The following RGS7 variants were observed in gnomAD, a reference collection of about 807,000 sequenced individuals.
The protein encoded by RGS7 is regulator of G-protein signaling 7.
A neutral mutation model predicts 81.1 loss-of-function variants in RGS7; 27 were observed. The observed-to-expected ratio is 0.33, with a 90% CI of 0.25 to 0.46. RGS7 has a LOEUF of 0.46. RGS7 is among the 20% of genes least tolerant of loss of function. The pLI is 1.00. For missense variants in RGS7, 396 were observed against 607.4 expected (o/e 0.65, Z 3.66); for synonymous variants, 208 against 207.7 (o/e 1.00, Z -0.01).
rs1443736646 is a variant in RGS7 at position 240,955,530 on chromosome 1, C to A, written c.227-18824G>T. On this transcript the variant is annotated intron_variant, in intron 4 of 18. Transcript: ENST00000440928. ...TCATGCCACTGCACTCCAGCCTGGG[C>A]GGCAGAGCAAGACTCTGTCTCAAAA... 7.7e-5 allele frequency among the ~76,000 whole-genome samples: 10 copies of A among 129,526 alleles called. No individual in the cohort carries two copies. The South Asian group carries it at 2.5e-3, about 33-fold the overall frequency. 85.0% of individuals were successfully genotyped at this position (129,526 alleles called of 152,430 possible). A position where few individuals can be genotyped will look rare whatever the true frequency, so the allele number is the denominator to read the frequency against.
chr1:241,277,699 A>G (rs1246134191), intron 2 of RGS7, among the ~76,000 whole-genome samples: 1 of 152,156 alleles, frequency 6.6e-6, no homozygotes, highest in African/African-American at 2.4e-5. Flanking sequence ...TTTAGCTGTG[A>G]CTTTTCACTC....
At chr1:241,356,705 G>A (rs868006124) in intron 1 of RGS7, among the ~76,000 whole-genome samples, 194 bp downstream of exon 1, 27 of 151,104 alleles carry the variant, frequency 1.8e-4, no homozygotes, top group African/African-American at 6.5e-4. Context: ...CGCCGGAGCC[G>A]GGCAGCAGTT....
chr1:241,063,026 C>A (rs1196366607), intron 3 of RGS7, among the ~76,000 whole-genome samples: 2 of 152,124 alleles, frequency 1.3e-5, no homozygotes, highest in Non-Finnish European at 2.9e-5. Context: ...GGATATAAGT[C>A]TTGTGTAGTC....
At chr1:241,198,427 T>C (rs1309402670) in intron 2 of RGS7, among the ~76,000 whole-genome samples, 2 of 151,944 alleles carry the variant, frequency 1.3e-5, no homozygotes, top group Non-Finnish European at 2.9e-5. Flanking sequence ...AAGGCTAATA[T>C]AGTTGATGAT....
chr1:241,199,601 A>C (rs540677710), intron 2 of RGS7, among the ~76,000 whole-genome samples: 6 of 151,754 alleles, frequency 4.0e-5, no homozygotes, highest in African/African-American at 1.5e-4. Context: ...TAAGGCAAGA[A>C]AAAGCCAAAA....
chr1:241,329,979 C>G (rs548025366), intron 2 of RGS7, among the ~76,000 whole-genome samples: 159 of 151,780 alleles, frequency 1.0e-3, no homozygotes, highest in African/African-American at 3.8e-3. Context: ...CTCGCTCTAT[C>G]GCCCAGGCTG....
intron 10 of RGS7, chr1:240,822,891 T>C (rs1479972873): frequency 2.8e-6 from 1 of 360,656 alleles, no homozygotes; most frequent in African/African-American, 2.1e-5. Context: ...TTTTAAAATA[T>C]AACCAAGATG....
intron 2 of RGS7, among the ~76,000 whole-genome samples, chr1:241,212,985 G>A (rs576998805): frequency 3.9e-4 from 59 of 152,236 alleles, no homozygotes; most frequent in Non-Finnish European, 6.8e-4. Flanking sequence ...GTCCTTGTGC[G>A]TGTGTTTCAT....
At chr1:241,037,696 G>C (rs146362255) in intron 3 of RGS7, among the ~76,000 whole-genome samples, 1,548 of 147,182 alleles carry the variant, frequency 0.011, 28 homozygotes, top group African/African-American at 0.038. Context: ...ACTTCAGCCT[G>C]GGCAATAGAG....
chr1:241,293,121 G>A (rs141993158), intron 2 of RGS7, among the ~76,000 whole-genome samples: 63 of 152,240 alleles, frequency 4.1e-4, no homozygotes, highest in African/African-American at 1.5e-3. Flanking sequence ...ATATGACAAT[G>A]GTTTCATGAG....
chr1:241,086,814 C>T (rs542042178), intron 3 of RGS7, among the ~76,000 whole-genome samples: 4 of 152,224 alleles, frequency 2.6e-5, no homozygotes, highest in East Asian at 3.9e-4. Context: ...AAAGGTCACG[C>T]GACAATATTT....
At chr1:240,985,786 AAG>A (rs1685567373) in intron 3 of RGS7, among the ~76,000 whole-genome samples, 1 of 152,034 alleles carries the variant, frequency 6.6e-6, no homozygotes, top group Admixed American at 6.6e-5. Flanking sequence ...TAGAGAGAGA[AAG>A]AGGAAAAAAA....
At chr1:241,288,111 G>C (rs769143094) in intron 2 of RGS7, among the ~76,000 whole-genome samples, 20 of 152,172 alleles carry the variant, frequency 1.3e-4, no homozygotes, top group African/African-American at 4.8e-4. Flanking sequence ...AGAACCTTAC[G>C]ACAAATAGTG....
At chr1:241,198,736 T>C (rs919341554) in intron 2 of RGS7, among the ~76,000 whole-genome samples, 10 of 152,318 alleles carry the variant, frequency 6.6e-5, no homozygotes, top group African/African-American at 2.4e-4. Context: ...TTGTTACTGG[T>C]AAATTTTACC....
intron 6 of RGS7, among the ~76,000 whole-genome samples, chr1:240,876,910 G>A (rs999798696): frequency 6.6e-5 from 10 of 152,108 alleles, no homozygotes; most frequent in Admixed American, 1.3e-4. Flanking sequence ...GCAGTGAGCC[G>A]AGATCAGGCC....
chr1:241,110,472 T>A (rs1021017065), intron 2 of RGS7, among the ~76,000 whole-genome samples: 1 of 152,058 alleles, frequency 6.6e-6, no homozygotes, highest in South Asian at 2.1e-4. Context: ...ACAATGATAT[T>A]TAGCAAACAA....
chr1:241,319,891 G>A (rs1170890052), intron 2 of RGS7, among the ~76,000 whole-genome samples: 1 of 152,100 alleles, frequency 6.6e-6, no homozygotes, highest in East Asian at 1.9e-4. Flanking sequence ...AGGAGTTCGA[G>A]ACCAGCCTGA....
At chr1:241,331,547 A>G (rs1402746054) in intron 2 of RGS7, among the ~76,000 whole-genome samples, 1 of 152,214 alleles carries the variant, frequency 6.6e-6, no homozygotes, top group Non-Finnish European at 1.5e-5. Flanking sequence ...TTATATTATT[A>G]TTATTACTTA....
intron 2 of RGS7, among the ~76,000 whole-genome samples, chr1:241,104,376 A>T (rs1404288506): frequency 6.6e-6 from 1 of 152,224 alleles, no homozygotes; most frequent in Non-Finnish European, 1.5e-5. Context: ...ATTTCCTGTA[A>T]AAAACTGAGT....
Sources: allele counts gnomAD v4.1 joint callset (sites outside exome capture counted in the v4.1 genomes callset), GRCh38; gene constraint gnomAD v4.1.1; transcripts MANE v1.5; gene names NCBI Gene and HGNC (gene_info 2026-07-23, HGNC 2026-07-21).